The following NAV2 variants were observed in gnomAD, a reference collection of about 807,000 sequenced individuals.
NAV2 encodes neuron navigator 2, also known as helicase, APC down-regulated 1.
NAV2 carries 54 observed loss-of-function variants against 223.2 expected under a neutral mutation model. That is an observed-to-expected ratio of 0.24 (90% CI 0.19 to 0.30). NAV2 has a LOEUF of 0.30. NAV2 is among the 10% of genes least tolerant of loss of function. The pLI, the probability that NAV2 is intolerant of heterozygous loss-of-function variation, is 1.00. For missense variants in NAV2, 2,806 were observed against 3,147.5 expected (o/e 0.89, Z 2.60); for synonymous variants, 1,279 against 1,239.3 (o/e 1.03, Z -0.67).
At chr11:19,672,996 A>G (rs2048612603) in intron 1 of NAV2, among the ~76,000 whole-genome samples, 1 of 152,254 alleles carries the variant, frequency 6.6e-6, no homozygotes, top group Non-Finnish European at 1.5e-5. Context: ...AACAAGTTAC[A>G]TGGATACAAC....
At chr11:19,646,315 G>A (rs2047815419) in intron 1 of NAV2, among the ~76,000 whole-genome samples, 1 of 152,338 alleles carries the variant, frequency 6.6e-6, no homozygotes, top group South Asian at 2.1e-4. Context: ...GCAGAATGGA[G>A]CTCACTGAGA....
At chr11:19,975,404 A>G (rs895162428) in intron 10 of NAV2, among the ~76,000 whole-genome samples, 3 of 152,252 alleles carry the variant, frequency 2.0e-5, no homozygotes, top group African/African-American at 7.2e-5. Flanking sequence ...TATGTATTTT[A>G]TTAGGGCTAT....
intron 6 of NAV2, among the ~76,000 whole-genome samples, chr11:19,922,697 C>T (rs192919629): frequency 6.6e-6 from 1 of 152,272 alleles, no homozygotes; most frequent in East Asian, 1.9e-4. Context: ...TCATTACCTG[C>T]CCACGGTTCT....
intron 11 of NAV2, among the ~76,000 whole-genome samples, chr11:20,002,304 G>A (rs1246041225): frequency 2.6e-5 from 4 of 152,182 alleles, no homozygotes; most frequent in African/African-American, 9.7e-5. Flanking sequence ...TACTTGCTGG[G>A]AACTCCTTGT....
At position 20,097,696 on chromosome 11, in the gene NAV2, T is replaced by C. The variant is rs1422510149; in HGVS notation, c.6132T>C (p.Pro2044=). ...CTTCCGAAACACCGGAGCTGCTTCC[T>C]TGTGGCTATCTGGTTGGAGAGAACA... ...SNTSETPELL[P]CGYLVGENTT... The change falls in exon 31 of 38, where the codon CCT becomes CCC. Residue 2044 remains proline (P), a synonymous_variant. Coordinates refer to ENST00000349880, the MANE Select transcript of NAV2 (RefSeq NM_145117.5). The C allele has an allele frequency of 3.1e-6, 5 of 1,612,388 alleles. No individual in the cohort carries two copies. The East Asian group carries it at 1.1e-4, about 36-fold the overall frequency.
At chr11:19,952,902 A>G (rs888349454) in intron 10 of NAV2, among the ~76,000 whole-genome samples, 1 of 152,170 alleles carries the variant, frequency 6.6e-6, no homozygotes, top group Non-Finnish European at 1.5e-5. Flanking sequence ...GGTATATACC[A>G]GGCATGTCTA....
At chr11:19,438,297 C>G (rs1362749371) in intron 1 of NAV2, among the ~76,000 whole-genome samples, 1 of 152,120 alleles carries the variant, frequency 6.6e-6, no homozygotes, top group Non-Finnish European at 1.5e-5. Flanking sequence ...CTGAGGCTTC[C>G]GAAGATTAAG....
In NAV2 at chr11:19,713,989, T is replaced by C. The variant is rs1267871804; in HGVS notation, c.267+27T>C. 1 of 1,610,340 alleles carries C rather than the reference T, an allele frequency of 6.2e-7. No homozygotes were observed. The highest frequency in any genetic ancestry group is 1.7e-5 in the Admixed American group (1 of 59,818). The stretch of plus-strand genomic sequence containing the variant: ...TGAGAGATGCCGTTTGCCGGGGTAC[T>C]GTTCTGGAAGGATGGATGAATAGTT... On this transcript the variant is annotated intron_variant, in intron 1 of 37. Coordinates refer to ENST00000349880, the MANE Select transcript of NAV2 (RefSeq NM_145117.5). This position sits in a 1 kb window ranked among gnomAD's most constrained non-coding sequence, Gnocchi z 7.2.
chr11:19,710,356 G>A (rs150022863), upstream of NAV2, among the ~76,000 whole-genome samples: 138 of 152,336 alleles, frequency 9.1e-4, no homozygotes, highest in African/African-American at 3.0e-3. Flanking sequence ...CCCCATTCTA[G>A]ACCAACTGAA....
chr11:19,530,302 A>G (rs1486776600), intron 1 of NAV2, among the ~76,000 whole-genome samples: 2 of 152,198 alleles, frequency 1.3e-5, no homozygotes, highest in East Asian at 3.8e-4. Flanking sequence ...GCAGGGTGGC[A>G]TGAAGCTCAA....
In NAV2 at chr11:19,469,266, G is replaced by T. The variant is rs545058727; in HGVS notation, c.75+118239G>T. Among the ~76,000 whole-genome samples, 18 of 152,318 alleles carry T rather than the reference G, an allele frequency of 1.2e-4. No homozygotes were observed. In the South Asian group the frequency reaches 3.7e-3, roughly 32 times the overall value. ...TGAATGAAAGTCATGAATGAGCTGA[G>T]TCAGAGCCCCAGGGTGAAGCAGAGT... On this transcript the variant is annotated intron_variant, in intron 1 of 37. Transcript: ENST00000360655.
chr11:19,645,775 A>C (rs565295904), intron 1 of NAV2, among the ~76,000 whole-genome samples: 2 of 152,206 alleles, frequency 1.3e-5, no homozygotes, highest in South Asian at 4.2e-4. Context: ...GGCAAAAACC[A>C]TTACTGCAAT....
intron 1 of NAV2, among the ~76,000 whole-genome samples, chr11:19,432,529 G>A (rs1287156260): frequency 1.3e-5 from 2 of 152,330 alleles, no homozygotes; most frequent in East Asian, 3.9e-4. Context: ...TCACAAGAAG[G>A]CAGGCAGAAG....
intron 1 of NAV2, among the ~76,000 whole-genome samples, chr11:19,480,597 C>T (rs979653186): frequency 6.6e-6 from 1 of 152,100 alleles, no homozygotes; most frequent in Non-Finnish European, 1.5e-5. Context: ...TTCTTCAAAT[C>T]CAAGAAGAGA....
At chr11:19,470,041 G>A (rs999911063) in intron 1 of NAV2, among the ~76,000 whole-genome samples, 1 of 152,240 alleles carries the variant, frequency 6.6e-6, no homozygotes, top group African/African-American at 2.4e-5. Context: ...GCTTGCTTCT[G>A]CAAAGACTCC....
intron 20 of NAV2, among the ~76,000 whole-genome samples, chr11:20,065,898 C>T (rs1341029787): frequency 6.6e-6 from 1 of 152,144 alleles, no homozygotes; most frequent in Non-Finnish European, 1.5e-5. Context: ...GGAAAGCCCC[C>T]GTGAGAATGT....
At chr11:20,051,940 G>C (rs2058039657) in intron 17 of NAV2, among the ~76,000 whole-genome samples, 2 of 152,118 alleles carry the variant, frequency 1.3e-5, no homozygotes, top group Non-Finnish European at 2.9e-5. Context: ...TTCCATTCCT[G>C]GTAAGTGGTG....
intron 1 of NAV2, among the ~76,000 whole-genome samples, chr11:19,355,869 G>A (rs918376299): frequency 2.0e-5 from 3 of 152,204 alleles, no homozygotes; most frequent in African/African-American, 7.2e-5. Context: ...ACATTAGAGG[G>A]ATTTTCCTTG....
At chr11:19,993,837 T>G (rs771953435) in intron 11 of NAV2, among the ~76,000 whole-genome samples, 1 of 152,248 alleles carries the variant, frequency 6.6e-6, no homozygotes, top group Non-Finnish European at 1.5e-5. Flanking sequence ...TGTTTTCATA[T>G]GTAATGGCTC....
Sources: allele counts gnomAD v4.1 joint callset (sites outside exome capture counted in the v4.1 genomes callset), GRCh38; gene constraint gnomAD v4.1.1; non-coding constraint Gnocchi (gnomAD v3.1); transcripts MANE v1.5; gene names NCBI Gene and HGNC (gene_info 2026-07-23, HGNC 2026-07-21).